Variants in KCNH1 observed in about 807,000 individuals in gnomAD.
KCNH1 encodes the protein potassium voltage-gated channel subfamily H member 1.
KCNH1 carries 27 observed loss-of-function variants against 69.2 expected under a neutral mutation model. The observed-to-expected ratio is 0.39, with a 90% CI of 0.29 to 0.54. The LOEUF (loss-of-function observed/expected upper bound fraction) is 0.54. Ranked by LOEUF, KCNH1 falls within the 20% of genes least tolerant of loss-of-function variation. The pLI, the probability that KCNH1 is intolerant of heterozygous loss-of-function variation, is 0.68. For missense variants in KCNH1, 798 were observed against 1,261.6 expected, an observed-to-expected ratio of 0.63 and a Z score of 5.57; for synonymous variants, 456 against 487.7, an observed-to-expected ratio of 0.93 and a Z score of 0.86.
intron 5 of KCNH1, among the ~76,000 whole-genome samples, chr1:211,057,797 T>A (rs186159405): frequency 6.0e-4 from 91 of 152,128 alleles, no homozygotes; most frequent in Admixed American, 9.2e-4. Flanking sequence ...AAAAAAAAGT[T>A]TATTAAAGGG....
intron 7 of KCNH1, chr1:210,862,217 C>G: frequency 1.7e-6 from 2 of 1,179,186 alleles, no homozygotes. Flanking sequence ...AGCTGGCGCT[C>G]CATGGCCTCT....
intron 10 of KCNH1, among the ~76,000 whole-genome samples, chr1:210,685,218 G>GT (rs145640395): frequency 0.017 from 2,584 of 152,332 alleles, 35 homozygotes; most frequent in Middle Eastern, 0.031. Context: ...ACTCTGGGAC[G>GT]TGTTTTGACC....
intron 6 of KCNH1, among the ~76,000 whole-genome samples, chr1:210,985,368 T>C (rs557532990): frequency 3.2e-4 from 48 of 152,296 alleles, no homozygotes; most frequent in African/African-American, 1.1e-3. Context: ...CTTTTAATTG[T>C]GATGTCAGGG....
At chr1:211,128,011 C>A (rs531252995) in intron 1 of KCNH1, among the ~76,000 whole-genome samples, 55 of 152,132 alleles carry the variant, frequency 3.6e-4, no homozygotes, top group Non-Finnish European at 5.9e-4. Context: ...CATCAACAGG[C>A]CAGGCGTGGT....
chr1:210,695,635 T>C (rs1045763773), intron 10 of KCNH1, among the ~76,000 whole-genome samples: 1 of 152,226 alleles, frequency 6.6e-6, no homozygotes, highest in Non-Finnish European at 1.5e-5. Flanking sequence ...AGGGTGCTTG[T>C]CACACAGCAA....
At chr1:210,714,273 GAGTAA>G (rs565311882) in intron 10 of KCNH1, among the ~76,000 whole-genome samples, 112 of 152,302 alleles carry the variant, frequency 7.4e-4, no homozygotes, top group African/African-American at 2.2e-3. Context: ...TCAGTAAGGG[GAGTAA>G]AGTAAAGTAT....
chr1:210,813,866 T>A (rs576010211), intron 7 of KCNH1, among the ~76,000 whole-genome samples: 1 of 152,260 alleles, frequency 6.6e-6, no homozygotes, highest in Non-Finnish European at 1.5e-5. Flanking sequence ...CACGTTGTTC[T>A]TGTGATAGTG....
At chr1:211,043,958 A>T (rs1337142525) in intron 5 of KCNH1, among the ~76,000 whole-genome samples, 2 of 152,232 alleles carry the variant, frequency 1.3e-5, no homozygotes, top group Non-Finnish European at 2.9e-5. Flanking sequence ...ATAAAAGCCC[A>T]TCTATGACAA....
chr1:210,755,611 C>T (rs1272889956), intron 10 of KCNH1, among the ~76,000 whole-genome samples: 1 of 152,218 alleles, frequency 6.6e-6, no homozygotes. Context: ...AGGCATCTGC[C>T]TCCCTGGGCA....
chr1:210,958,437 T>C (rs1206649924), intron 6 of KCNH1, among the ~76,000 whole-genome samples: 5 of 152,218 alleles, frequency 3.3e-5, no homozygotes, highest in African/African-American at 9.6e-5. Context: ...CTGTATTTCC[T>C]GAATTTGAAT....
intron 5 of KCNH1, among the ~76,000 whole-genome samples, chr1:211,057,375 C>G (rs1178068552): frequency 2.0e-5 from 3 of 152,150 alleles, no homozygotes; most frequent in Non-Finnish European, 2.9e-5. Context: ...GTGGCTCATG[C>G]CTGTGGTCCT....
At chr1:211,046,476 C>T (rs191701294) in intron 5 of KCNH1, among the ~76,000 whole-genome samples, 2 of 152,262 alleles carry the variant, frequency 1.3e-5, no homozygotes, top group Admixed American at 6.5e-5. Context: ...TTACTACATG[C>T]CCTACCCTGA....
At chr1:210,775,594 C>A in intron 9 of KCNH1, 50 bp from the exon 10 acceptor site, 2 of 1,460,440 alleles carry the variant, frequency 1.4e-6, no homozygotes, top group Non-Finnish European at 9.5e-7. Flanking sequence ...GAGAGGTCTG[C>A]CCATCCAGCT....
chr1:210,833,219 G>T (rs1429287260), intron 7 of KCNH1, among the ~76,000 whole-genome samples: 3 of 151,870 alleles, frequency 2.0e-5, no homozygotes, highest in African/African-American at 7.3e-5. Flanking sequence ...CTTAAAGTAG[G>T]GCACACAACC....
intron 10 of KCNH1, among the ~76,000 whole-genome samples, chr1:210,758,149 C>T (rs1306201655): frequency 6.6e-6 from 1 of 152,232 alleles, no homozygotes; most frequent in African/African-American, 2.4e-5. Flanking sequence ...CTGCTCTAGT[C>T]ACAAGTCCAC....
intron 1 of KCNH1, among the ~76,000 whole-genome samples, chr1:211,109,099 T>C (rs1691414397): frequency 6.6e-6 from 1 of 152,228 alleles, no homozygotes; most frequent in Non-Finnish European, 1.5e-5. Flanking sequence ...ACTTTTTGAA[T>C]GCCTAAAAGG....
intron 6 of KCNH1, among the ~76,000 whole-genome samples, chr1:210,989,679 T>G (rs560008142): frequency 6.6e-6 from 1 of 152,266 alleles, no homozygotes; most frequent in Admixed American, 6.5e-5. Flanking sequence ...CTTCAAGAGA[T>G]TTAAAACTTC....
At chr1:210,990,984 C>T (rs1688924855) in intron 6 of KCNH1, among the ~76,000 whole-genome samples, 2 of 152,270 alleles carry the variant, frequency 1.3e-5, no homozygotes, top group South Asian at 4.1e-4. Flanking sequence ...AAGGAATTCT[C>T]TCTAAAGGCC....
intron 7 of KCNH1, among the ~76,000 whole-genome samples, chr1:210,854,809 A>G (rs1685797447): frequency 6.6e-6 from 1 of 152,202 alleles, no homozygotes; most frequent in Non-Finnish European, 1.5e-5. Flanking sequence ...GTGTATCAAG[A>G]ACACAGATTT....
Sources: gnomAD v4.1 joint callset for allele counts (sites outside exome capture counted in the v4.1 genomes callset) on GRCh38, gnomAD v4.1.1 for gene constraint, MANE v1.5 for transcripts, NCBI Gene and HGNC (gene_info 2026-07-23, HGNC 2026-07-21) for gene names.